The following CNIH3 variants were observed in gnomAD, a reference collection of about 807,000 sequenced individuals.
CNIH3 encodes protein cornichon homolog 3.
Under a neutral mutation model 24.1 loss-of-function variants are expected in CNIH3, and 14 were observed. The observed-to-expected ratio is 0.58, with a 90% CI of 0.38 to 0.91. CNIH3 has a LOEUF of 0.91. CNIH3 is among the 40% of genes least tolerant of loss of function. The pLI is 0.00. For missense variants in CNIH3, 178 were observed against 196.8 expected, an observed-to-expected ratio of 0.90 and a Z score of 0.57; for synonymous variants, 68 against 73.8, an observed-to-expected ratio of 0.92 and a Z score of 0.40.
At chr1:224,583,103 A>G (rs560380429) in intron 4 of CNIH3, 2 of 152,324 alleles carry the variant, frequency 1.3e-5, no homozygotes, top group Admixed American at 1.3e-4. Flanking sequence ...TTCTGGGTCC[A>G]CTTGAGTCTG....
intron 1 of CNIH3, among the ~76,000 whole-genome samples, chr1:224,629,822 G>A (rs1683731401): frequency 6.6e-6 from 1 of 151,930 alleles, no homozygotes; most frequent in Non-Finnish European, 1.5e-5. Flanking sequence ...GTCCTCTCTC[G>A]GCTGGAGCAA....
At chr1:224,603,092 A>G (rs747036478) in intron 3 of CNIH3, among the ~76,000 whole-genome samples, 1 of 152,182 alleles carries the variant, frequency 6.6e-6, no homozygotes, top group South Asian at 2.1e-4. Flanking sequence ...GGAAAGAGGG[A>G]GGGTGTAATC....
In CNIH3 at chr1:224,530,897, A is replaced by G. The variant is rs559286124; in HGVS notation, n.344-6039A>G. On this transcript the variant is annotated intron_variant and non_coding_transcript_variant, in intron 2 of 2. Transcript: ENST00000470602. ...ATAGGCGTGAGCCACTGTGTGGCCT[A>G]AACCCTACATTTCTTACTGTAAACC... Among the ~76,000 whole-genome samples the G allele has an allele frequency of 7.9e-5, 12 of 152,290 alleles. No homozygotes were observed. In the South Asian group the frequency reaches 2.5e-3, roughly 32 times the overall value.
chr1:224,444,926 AGC>A lies in CNIH3; in HGVS notation n.203+10065_203+10066del, dbSNP rs1675087739. 2.7e-5 allele frequency among the ~76,000 whole-genome samples: 4 copies of A among 148,766 alleles called. No homozygotes were observed. In the South Asian group the frequency reaches 8.4e-4, roughly 31 times the overall value. On this transcript the variant is annotated intron_variant and non_coding_transcript_variant, in intron 1 of 5. Transcript: ENST00000471578. Reference sequence around the variant, plus strand: ...CCAAAGTGCTGGGATTACAGGCATAAGCCACCACGCCCGGCCCTTTTTTTTTT... The same window carrying A: ...CCAAAGTGCTGGGATTACAGGCATAACACCACGCCCGGCCCTTTTTTTTTT...
At chr1:224,711,067 C>T (rs769011592) in intron 3 of CNIH3, among the ~76,000 whole-genome samples, 1 of 152,140 alleles carries the variant, frequency 6.6e-6, no homozygotes, top group Non-Finnish European at 1.5e-5. Context: ...AATTGCATCT[C>T]CTCTGAAGCA....
chr1:224,572,963 T>G (rs1052881545), intron 4 of CNIH3, among the ~76,000 whole-genome samples: 3 of 152,164 alleles, frequency 2.0e-5, no homozygotes, highest in Non-Finnish European at 1.5e-5. Flanking sequence ...AAACACATAA[T>G]CTACCAAAAC....
intron 1 of CNIH3, among the ~76,000 whole-genome samples, chr1:224,659,560 G>T (rs1030538886): frequency 1.3e-5 from 2 of 152,166 alleles, no homozygotes; most frequent in Non-Finnish European, 2.9e-5. Context: ...GATACAGGAA[G>T]AGTGTGTCCA....
chr1:224,626,810 T>TA (rs2125072294), intron 1 of CNIH3, among the ~76,000 whole-genome samples: 1 of 152,320 alleles, frequency 6.6e-6, no homozygotes, highest in African/African-American at 2.4e-5. Context: ...GCACCGTAGA[T>TA]ATGTCTATTT....
At chr1:224,574,465 C>T (rs6426141) in intron 4 of CNIH3, 163,329 of 639,984 alleles carry the variant, frequency 0.26, 21,807 homozygotes, top group East Asian at 0.37. Context: ...AACAATGGCA[C>T]CAAGATGCCC....
intron 5 of CNIH3, among the ~76,000 whole-genome samples, chr1:224,735,706 G>A (rs766396703): frequency 5.9e-5 from 9 of 152,014 alleles, no homozygotes; most frequent in Non-Finnish European, 1.2e-4. Flanking sequence ...GCCCAGGCTG[G>A]AGTGCAGTGG....
intron 3 of CNIH3, among the ~76,000 whole-genome samples, chr1:224,708,563 T>G (rs925729168): frequency 1.3e-5 from 2 of 152,198 alleles, no homozygotes; most frequent in Non-Finnish European, 2.9e-5. Context: ...GATGTGCCTC[T>G]CCTTCTATTG....
chr1:224,704,664 A>G lies in CNIH3; in HGVS notation c.198+19821A>G, dbSNP rs1446737332. Among the ~76,000 whole-genome samples, 2 of 152,140 alleles carry G rather than the reference A, an allele frequency of 1.3e-5. No individual in the cohort carries two copies. Among genetic ancestry groups the G allele is most frequent in the African/African-American group, 4.8e-5 (2 of 41,420 alleles). On this transcript the variant is annotated intron_variant, in intron 3 of 5. Transcript: ENST00000272133. This position sits in a 1 kb window ranked among gnomAD's most constrained non-coding sequence, Gnocchi z 4.2. ...TATACATCATGGATCTGCATCCCCAAATACATCCTCCGACATAACCACAAT... is the reference window on the plus strand; with the variant it reads ...TATACATCATGGATCTGCATCCCCAGATACATCCTCCGACATAACCACAAT...
At chr1:224,683,219 A>G (rs1018305353) in intron 2 of CNIH3, among the ~76,000 whole-genome samples, 3 of 152,224 alleles carry the variant, frequency 2.0e-5, no homozygotes, top group Non-Finnish European at 2.9e-5. Context: ...TCTAATTAGT[A>G]AACTGATTAA....
At chr1:224,606,935 A>G (rs972481341) in intron 3 of CNIH3, among the ~76,000 whole-genome samples, 1 of 152,144 alleles carries the variant, frequency 6.6e-6, no homozygotes, top group African/African-American at 2.4e-5. Flanking sequence ...CTGATACTGA[A>G]TTTCCTGCCA....
chr1:224,573,436 C>G (rs1680904961), intron 4 of CNIH3, among the ~76,000 whole-genome samples: 1 of 152,120 alleles, frequency 6.6e-6, no homozygotes, highest in Non-Finnish European at 1.5e-5. Flanking sequence ...GCTGCCTTTG[C>G]TGTGGAACTC....
At chr1:224,634,585 T>A (rs6671515) in intron 1 of CNIH3, among the ~76,000 whole-genome samples, 3,354 of 65,006 alleles carry the variant, frequency 0.052, 112 homozygotes, top group African/African-American at 0.13. Flanking sequence ...AAAAAAAAAA[T>A]AAAAAAAAAA....
chr1:224,739,298 T>C (rs1452105284), intron 5 of CNIH3, 31 bp from the exon 6 acceptor site: 116 of 296,404 alleles, frequency 3.9e-4, no homozygotes, highest in African/African-American at 2.6e-3. Flanking sequence ...TTCCTCTCTT[T>C]TTTTTTTTTT....
At position 224,681,030 on chromosome 1, in the gene CNIH3, A is replaced by G. The variant is rs1207334081; in HGVS notation, c.150+4A>G. On this transcript the variant is annotated splice_donor_region_variant and intron_variant, in intron 2 of 5. Coordinates refer to ENST00000272133, the MANE Select transcript of CNIH3 (RefSeq NM_152495.2). ...CCAGTGCAATCCTGTTCATGCGGTA[A>G]GTGGCGGGTACTGGTGAGGGGAAGG... The G allele has an allele frequency of 6.2e-7, 1 of 1,613,794 alleles. No homozygotes were observed. Among genetic ancestry groups the G allele is most frequent in the Admixed American group, 1.7e-5 (1 of 60,028 alleles).
chr1:224,548,231 C>T (rs1679779613), intron 3 of CNIH3, among the ~76,000 whole-genome samples: 1 of 151,360 alleles, frequency 6.6e-6, no homozygotes, highest in African/African-American at 2.4e-5. Flanking sequence ...ATATTATAGG[C>T]AATATCTTAG....
Sources: gnomAD v4.1 joint callset for allele counts (sites outside exome capture counted in the v4.1 genomes callset) on GRCh38, gnomAD v4.1.1 for gene constraint, Gnocchi (gnomAD v3.1) non-coding constraint, MANE v1.5 for transcripts, NCBI Gene and HGNC (gene_info 2026-07-23, HGNC 2026-07-21) for gene names.